The following MBTPS1 variants were observed in gnomAD, a reference collection of about 807,000 sequenced individuals.
MBTPS1 encodes membrane bound transcription factor peptidase, site 1.
MBTPS1 carries 94 observed loss-of-function variants against 127.8 expected under a neutral mutation model. The observed-to-expected ratio is 0.74, with a 90% CI of 0.62 to 0.87. MBTPS1 has a LOEUF of 0.87. Among genes scored for constraint, MBTPS1 ranks in the 40% least tolerant of loss-of-function variants. The pLI is 0.00. For synonymous variants in MBTPS1, 632 were observed against 509.4 expected, an observed-to-expected ratio of 1.24 and a Z score of -3.24; for missense variants, 1,636 against 1,353.2, an observed-to-expected ratio of 1.21 and a Z score of -3.28.
At chr16:84,078,232 G>A (rs112261637) in intron 11 of MBTPS1, among the ~76,000 whole-genome samples, 81 of 133,934 alleles carry the variant, frequency 6.0e-4, no homozygotes, top group Non-Finnish European at 9.8e-4. Context: ...GGGCGCTCTC[G>A]ACCCGGACCA....
chr16:84,077,338 T>C (rs11149623), intron 11 of MBTPS1, among the ~76,000 whole-genome samples: 42,894 of 148,472 alleles, frequency 0.29, 6,377 homozygotes, highest in East Asian at 0.43. Flanking sequence ...CACTAACAGA[T>C]ATTAAAACAT....
intron 15 of MBTPS1, 92 bp downstream of exon 15, chr16:84,068,247 A>G (rs2085718238): frequency 3.4e-6 from 3 of 879,964 alleles, no homozygotes; most frequent in East Asian, 4.8e-5. Context: ...CTTGGTAGCT[A>G]TCACTGAAAA....
At chr16:84,108,355 C>T (rs1254130312) in intron 1 of MBTPS1, among the ~76,000 whole-genome samples, 1 of 152,242 alleles carries the variant, frequency 6.6e-6, no homozygotes, top group African/African-American at 2.4e-5. Flanking sequence ...ACCTCCAACT[C>T]CCAGCTGAAG....
intron 5 of MBTPS1, 137 bp downstream of exon 5, chr16:84,093,574 A>G: frequency 1.4e-6 from 1 of 700,608 alleles, no homozygotes; most frequent in Non-Finnish European, 2.5e-6. Context: ...AGGTATTCAG[A>G]GCAGTTTCTG....
chr16:84,066,179 G>A (rs1039897580), intron 17 of MBTPS1, among the ~76,000 whole-genome samples: 45 of 152,256 alleles, frequency 3.0e-4, no homozygotes, highest in African/African-American at 1.0e-3. Context: ...GAAACACAAA[G>A]TTATTTCATG....
At chr16:84,056,203 A>G in intron 21 of MBTPS1, 68 bp from the exon 22 acceptor site, 3 of 1,343,534 alleles carry the variant, frequency 2.2e-6, no homozygotes, top group Non-Finnish European at 3.1e-6. Flanking sequence ...TAGTCTAGGA[A>G]GTTCAACTGA....
Position 84,065,780 on chromosome 16 carries a change from G to C in MBTPS1, c.2354-13C>G. On this transcript the variant is annotated splice_polypyrimidine_tract_variant and intron_variant, in intron 17 of 22. Transcript: ENST00000343411. ...GACGCATAATACACTAGGAAAGAGT[G>C]TTCAAAGTCAAGGGAACACAGGAAC... 3.2e-6 allele frequency: 5 copies of C among 1,542,964 alleles called. No homozygotes were observed. Among genetic ancestry groups the C allele is most frequent in the Non-Finnish European group, 4.4e-6 (5 of 1,143,936 alleles).
At chr16:84,103,786 G>T (rs1350895240) in intron 1 of MBTPS1, among the ~76,000 whole-genome samples, 1 of 152,170 alleles carries the variant, frequency 6.6e-6, no homozygotes. Flanking sequence ...TTTCACTGCT[G>T]TACTAACAAC....
Position 84,079,192 on chromosome 16 carries a change from T to C in MBTPS1, c.1448+2555A>G, listed in dbSNP as rs562986383. Among the ~76,000 whole-genome samples, 7 of 152,318 alleles carry C rather than the reference T, an allele frequency of 4.6e-5. No homozygotes were observed. The South Asian group carries it at 1.5e-3, about 32-fold the overall frequency. ...TTCACCTTCTGCCATGATTGGAAGC[T>C]CCCTGAGGCCTCCCCAGAAGCAGGT... On this transcript the variant is annotated intron_variant, in intron 11 of 22. Transcript: ENST00000343411.
At chr16:84,059,791 A>T in intron 20 of MBTPS1, 1 of 159,736 alleles carries the variant, frequency 6.3e-6, no homozygotes, top group African/African-American at 2.4e-5. Context: ...CTCTTCTAAA[A>T]TATTTAATTC....
intron 6 of MBTPS1, 86 bp downstream of exon 6, chr16:84,093,102 T>C: frequency 1.1e-6 from 1 of 911,088 alleles, no homozygotes; most frequent in South Asian, 1.3e-5. Context: ...TGCACTCCTT[T>C]TACACAAGTG....
At chr16:84,067,287 A>G (rs1449727292) in intron 16 of MBTPS1, among the ~76,000 whole-genome samples, 2 of 152,182 alleles carry the variant, frequency 1.3e-5, no homozygotes, top group Admixed American at 6.5e-5. Context: ...CATACTCAAT[A>G]AACATCTTAC....
chr16:84,056,276 C>T, intron 21 of MBTPS1, 141 bp from the exon 22 acceptor site: 1 of 627,972 alleles, frequency 1.6e-6, no homozygotes, highest in Admixed American at 2.9e-5. Context: ...CCACGGCCAC[C>T]TAAATGCCAC....
Position 84,062,214 on chromosome 16 carries a change from G to A in MBTPS1, c.2572+1091C>T, listed in dbSNP as rs11859968. ...CGGCTCACTGCAACCTCTGCCTCCC[G>A]GGTTCAAGCAACTCTCCCACCTCAG... On this transcript the variant is annotated intron_variant, in intron 19 of 22. Coordinates refer to ENST00000343411, the MANE Select transcript of MBTPS1 (RefSeq NM_003791.4). Among the ~76,000 whole-genome samples the A allele has an allele frequency of 4.9e-3, 753 of 152,180 alleles. 6 individuals carry two copies. Among genetic ancestry groups the A allele is most frequent in the African/African-American group, 0.016 (679 of 41,508 alleles).
intron 8 of MBTPS1, among the ~76,000 whole-genome samples, chr16:84,089,194 G>A (rs1444203199): frequency 3.9e-5 from 6 of 152,276 alleles, no homozygotes; most frequent in Admixed American, 3.9e-4. Context: ...TGTACATGGG[G>A]AAGTGGAAGA....
intron 13 of MBTPS1, 75 bp from the exon 14 acceptor site, chr16:84,070,113 C>G: frequency 2.4e-6 from 3 of 1,242,994 alleles, no homozygotes; most frequent in East Asian, 4.7e-5. Context: ...AACATCATTT[C>G]TATTTATCAA....
rs377440160 is a variant in MBTPS1, at chr16:84,070,752, G to A, written c.1618C>T (p.Gln540Ter). The change falls in exon 13 of 23, where the codon CAG becomes TAG. Residue 540 changes from glutamine (Q) to a stop codon, truncating the protein, a stop_gained. Coordinates refer to ENST00000343411, the MANE Select transcript of MBTPS1 (RefSeq NM_003791.4). LOFTEE classifies it high-confidence loss of function. ...DKPDWQPYLP[Q>*]NGDNIEVAFS... is the part of the protein sequence containing the mutation. ...GCAACTTCAATGTTGTCTCCGTTCT[G>A]TGGCAAATAGGGCTGCCAGTCAGGC... is the stretch of plus-strand genomic sequence containing the variant. 3 of 1,612,094 alleles carry A rather than the reference G, an allele frequency of 1.9e-6. No homozygotes were observed. Among genetic ancestry groups the A allele is most frequent in the African/African-American group, 1.3e-5 (1 of 74,834 alleles).
chr16:84,057,562 AC>A (rs2085540365), intron 21 of MBTPS1: 1 of 152,220 alleles, frequency 6.6e-6, no homozygotes, highest in Non-Finnish European at 1.5e-5. Context: ...CCTGATGCCA[AC>A]GAAGAAGCCC....
At chr16:84,078,224 G>T (rs1355101464) in intron 11 of MBTPS1, among the ~76,000 whole-genome samples, 5 of 127,992 alleles carry the variant, frequency 3.9e-5, no homozygotes, top group African/African-American at 1.5e-4. Flanking sequence ...GAGCTACCGG[G>T]CGCTCTCGAC....
Sources: allele counts gnomAD v4.1 joint callset (sites outside exome capture counted in the v4.1 genomes callset), GRCh38; gene constraint gnomAD v4.1.1; transcripts MANE v1.5; gene names NCBI Gene and HGNC (gene_info 2026-07-23, HGNC 2026-07-21).